Variants in LHFPL2 observed in about 807,000 individuals in gnomAD.
LHFPL2 encodes LHFPL tetraspan subfamily member 2 protein.
A neutral mutation model predicts 17.5 loss-of-function variants in LHFPL2; 7 were observed. The ratio of observed to expected loss-of-function variants is 0.40; its 90% CI spans 0.23 to 0.75. The LOEUF is 0.75. Ranked by LOEUF, LHFPL2 falls within the 30% of genes least tolerant of loss-of-function variation. LHFPL2 has a pLI of 0.37. For synonymous variants in LHFPL2, 134 were observed against 116.2 expected, an observed-to-expected ratio of 1.15 and a Z score of -0.99; for missense variants, 241 against 294.8, an observed-to-expected ratio of 0.82 and a Z score of 1.34.
chr5:78,571,799 A>G (rs1363447706), intron 2 of LHFPL2, among the ~76,000 whole-genome samples: 1 of 152,220 alleles, frequency 6.6e-6, no homozygotes, highest in African/African-American at 2.4e-5. Context: ...ATGGATGGAT[A>G]AGGTGGATAT....
intron 4 of LHFPL2, among the ~76,000 whole-genome samples, chr5:78,490,457 A>G (rs951451513): frequency 1.3e-5 from 2 of 152,074 alleles, no homozygotes; most frequent in African/African-American, 2.4e-5. Flanking sequence ...TTTCTTGGTA[A>G]CAGATCTTCT....
chr5:78,510,264 A>C lies in LHFPL2; in HGVS notation c.-51T>G, dbSNP rs1039389651. On this transcript the variant is annotated 5_prime_UTR_variant, in exon 4 of 5. Transcript: ENST00000380345. ...TCAGGAGTCCACGGAGTTAATCAAA[A>C]CAAGAAAGTCGGTGGGGAAGGAGGC... The C allele has an allele frequency of 6.7e-7, 1 of 1,501,022 alleles. No homozygotes were observed. The highest frequency in any genetic ancestry group is 2.3e-5 in the Admixed American group (1 of 42,988). The allele number at this position is 1,501,022 out of a possible 1,614,324, so 93.0% of individuals were successfully genotyped here. A position where few individuals can be genotyped will look rare whatever the true frequency, so the allele number is the denominator to read the frequency against.
rs536669186 is a variant in LHFPL2 at position 78,579,834 on chromosome 5, T to C, written c.-244-14963A>G. The stretch of plus-strand genomic sequence containing the variant: ...TGCATGTGTCTTTATAGCAGCATGA[T>C]TTATAGTCTTTTGGGTATATACCCA... On this transcript the variant is annotated intron_variant, in intron 2 of 4. Coordinates refer to ENST00000380345, the MANE Select transcript of LHFPL2 (RefSeq NM_005779.3). Among the ~76,000 whole-genome samples, 1,063 of 151,858 alleles carry C rather than the reference T, an allele frequency of 7.0e-3. 9 individuals are homozygous for C. The highest frequency in any genetic ancestry group is 9.9e-3 in the Non-Finnish European group (674 of 68,032).
At chr5:78,521,927 G>T (rs1339593314) in intron 3 of LHFPL2, among the ~76,000 whole-genome samples, 1 of 152,148 alleles carries the variant, frequency 6.6e-6, no homozygotes, top group East Asian at 1.9e-4. Flanking sequence ...ATAACCCTAT[G>T]CTGTGTGCAG....
intron 4 of LHFPL2, among the ~76,000 whole-genome samples, chr5:78,493,210 CGTA>C (rs920482466): frequency 1.3e-5 from 2 of 152,206 alleles, no homozygotes; most frequent in African/African-American, 4.8e-5. Context: ...GAATGCCACA[CGTA>C]GTCCTCCCCT....
intron 1 of LHFPL2, among the ~76,000 whole-genome samples, chr5:78,647,674 G>C (rs1475888079): frequency 6.6e-6 from 1 of 152,120 alleles, no homozygotes. Context: ...ATAGGACTTT[G>C]TCTTTACTCT....
Position 78,580,774 on chromosome 5 carries a change from G to T in LHFPL2, c.-244-15903C>A, listed in dbSNP as rs1580827052. ...GCCTTGTAGTATAGTTTGAAGTCAG[G>T]TAGTGTGATGCCTCCAGCTTTGTTC... On this transcript the variant is annotated intron_variant, in intron 2 of 4. Transcript: ENST00000380345. Among the ~76,000 whole-genome samples the T allele has an allele frequency of 2.0e-5, 3 of 152,054 alleles. No individual in the cohort carries two copies. The South Asian group carries it at 6.2e-4, about 32-fold the overall frequency.
chr5:78,558,321 A>G (rs13186131), intron 3 of LHFPL2, among the ~76,000 whole-genome samples: 112,687 of 152,208 alleles, frequency 0.74, 42,098 homozygotes, highest in African/African-American at 0.81. Context: ...AGTTCAATTA[A>G]ACCACCTTCC....
rs746590895 is a variant in LHFPL2 at position 78,576,294 on chromosome 5, C to CAA, written c.-244-11425_-244-11424dup. On this transcript the variant is annotated intron_variant, in intron 2 of 4. Coordinates refer to ENST00000380345, the MANE Select transcript of LHFPL2 (RefSeq NM_005779.3). ...TGGGCAACAGAGCGAGACTCCATCT[C>CAA]AAAAAAAAAAAAAAGATAAATTTTT... is the stretch of plus-strand genomic sequence containing the variant. 4.4e-3 allele frequency among the ~76,000 whole-genome samples: 412 copies of CAA among 93,150 alleles called. 5 individuals carry two copies. The highest frequency in any genetic ancestry group is 0.015 in the African/African-American group (391 of 26,924). The allele number at this position is 93,150 out of a possible 152,430, so 61.1% of individuals were successfully genotyped here.
chr5:78,641,699 T>C (rs1745665688), intron 1 of LHFPL2, among the ~76,000 whole-genome samples: 1 of 152,200 alleles, frequency 6.6e-6, no homozygotes, highest in African/African-American at 2.4e-5. Context: ...AGGTTCTCCT[T>C]TCTGGACCTG....
chr5:78,533,018 C>G (rs539060818), intron 3 of LHFPL2, among the ~76,000 whole-genome samples: 20 of 152,240 alleles, frequency 1.3e-4, no homozygotes, highest in Non-Finnish European at 1.8e-4. Context: ...CAGGGACCAT[C>G]TCTTGTCCTC....
At chr5:78,583,631 A>T (rs1743237169) in intron 2 of LHFPL2, among the ~76,000 whole-genome samples, 1 of 152,170 alleles carries the variant, frequency 6.6e-6, no homozygotes, top group African/African-American at 2.4e-5. Flanking sequence ...TCTGGCTTGT[A>T]GGGTTTCTGC....
At chr5:78,647,505 C>A (rs1271555214) in intron 1 of LHFPL2, among the ~76,000 whole-genome samples, 1 of 152,194 alleles carries the variant, frequency 6.6e-6, no homozygotes, top group African/African-American at 2.4e-5. Context: ...CCAGCACACA[C>A]TTTCCATAGC....
At chr5:78,598,756 A>T (rs1743907236) in intron 2 of LHFPL2, among the ~76,000 whole-genome samples, 1 of 152,236 alleles carries the variant, frequency 6.6e-6, no homozygotes. Flanking sequence ...TTCTAGAGGC[A>T]TTCCAGAATG....
chr5:78,610,983 G>C (rs1181848604), intron 2 of LHFPL2, among the ~76,000 whole-genome samples: 1 of 152,078 alleles, frequency 6.6e-6, no homozygotes, highest in Non-Finnish European at 1.5e-5. Flanking sequence ...GGCACAGGGA[G>C]TGGTGCAGCT....
chr5:78,570,265 ATG>A (rs2112424359), intron 2 of LHFPL2, among the ~76,000 whole-genome samples: 1 of 152,338 alleles, frequency 6.6e-6, no homozygotes, highest in Non-Finnish European at 1.5e-5. Flanking sequence ...AAGTCAGGCT[ATG>A]TAGAAGAAAG....
intron 3 of LHFPL2, among the ~76,000 whole-genome samples, chr5:78,518,252 G>A (rs1019585840): frequency 6.6e-6 from 1 of 152,204 alleles, no homozygotes; most frequent in Non-Finnish European, 1.5e-5. Context: ...TGTCTTCTCA[G>A]GATAATAAGA....
intron 2 of LHFPL2, among the ~76,000 whole-genome samples, chr5:78,578,436 T>C (rs1757187761): frequency 6.6e-6 from 1 of 152,108 alleles, no homozygotes; most frequent in Non-Finnish European, 1.5e-5. Context: ...TTGGGGAGTT[T>C]TGGAATTGGG....
chr5:78,515,961 CT>C (rs1755279192), intron 3 of LHFPL2, among the ~76,000 whole-genome samples: 1 of 152,194 alleles, frequency 6.6e-6, no homozygotes, highest in Non-Finnish European at 1.5e-5. Flanking sequence ...GGGAAACCAG[CT>C]GTTCTCCCAG....
Sources: gnomAD v4.1 joint callset for allele counts (sites outside exome capture counted in the v4.1 genomes callset) on GRCh38, gnomAD v4.1.1 for gene constraint, MANE v1.5 for transcripts, NCBI Gene and HGNC (gene_info 2026-07-23, HGNC 2026-07-21) for gene names.